THSD4: variants seen among roughly 807,000 people sequenced by gnomAD.
THSD4 encodes thrombospondin type 1 domain containing 4, also known as thrombospondin type-1 domain-containing protein 4.
A neutral mutation model predicts 119.0 loss-of-function variants in THSD4; 69 were observed. The observed-to-expected ratio is 0.58, with a 90% confidence interval of 0.48 to 0.71. The LOEUF (loss-of-function observed/expected upper bound fraction) is 0.71. THSD4 is among the 30% of genes least tolerant of loss of function. THSD4 has a pLI of 0.00. For synonymous variants in THSD4, 524 were observed against 540.4 expected (o/e 0.97, Z 0.42); for missense variants, 1,393 against 1,391.1 (o/e 1.00, Z -0.02).
At chr15:71,186,105 C>T (rs1193698018) in intron 3 of THSD4, 1 of 152,174 alleles carries the variant, frequency 6.6e-6, no homozygotes, top group Non-Finnish European at 1.5e-5. Flanking sequence ...TCAAAGACAA[C>T]ATTTCTAAGC....
chr15:71,223,185 A>G (rs1487646532), intron 4 of THSD4, among the ~76,000 whole-genome samples: 1 of 152,158 alleles, frequency 6.6e-6, no homozygotes, highest in Non-Finnish European at 1.5e-5. Context: ...ATGGATGCCA[A>G]ACTCAAGGGT....
At chr15:71,125,829 G>A (rs2040450076) in intron 1 of THSD4, among the ~76,000 whole-genome samples, 1 of 152,236 alleles carries the variant, frequency 6.6e-6, no homozygotes, top group Non-Finnish European at 1.5e-5. Flanking sequence ...CTTGGCTCGG[G>A]AACATGTTTT....
intron 1 of THSD4, among the ~76,000 whole-genome samples, chr15:71,124,794 G>A (rs1347906397): frequency 6.6e-6 from 1 of 152,146 alleles, no homozygotes; most frequent in Non-Finnish European, 1.5e-5. Context: ...TGTAATCCCG[G>A]CACTTTGGGA....
intron 7 of THSD4, among the ~76,000 whole-genome samples, chr15:71,606,472 G>A (rs2050111488): frequency 1.3e-5 from 2 of 151,880 alleles, no homozygotes; most frequent in South Asian, 2.1e-4. Context: ...AAGGAGGCAG[G>A]ATAAACTGCT....
chr15:71,206,314 G>T (rs914813078), intron 3 of THSD4, among the ~76,000 whole-genome samples: 3 of 152,086 alleles, frequency 2.0e-5, no homozygotes, highest in African/African-American at 7.2e-5. Flanking sequence ...GCCCGGCCAC[G>T]TTTGGAGATT....
intron 6 of THSD4, among the ~76,000 whole-genome samples, chr15:71,367,900 A>C: frequency 6.6e-6 from 1 of 152,244 alleles, no homozygotes; most frequent in Non-Finnish European, 1.5e-5. Flanking sequence ...AGTCCCACCA[A>C]CAGTGTAAAA....
chr15:71,112,635 G>C (rs1009559530), upstream of THSD4, among the ~76,000 whole-genome samples: 1 of 152,180 alleles, frequency 6.6e-6, no homozygotes, highest in African/African-American at 2.4e-5. Context: ...TGCCAGGCAG[G>C]CCCCCAGCCT....
Position 71,748,540 on chromosome 15 carries a change from C to T in THSD4, c.2361C>T (p.Asn787=). 6.2e-7 allele frequency: 1 copy of T among 1,614,238 alleles called. No individual in the cohort carries two copies. Among genetic ancestry groups the T allele is most frequent in the South Asian group, 1.1e-5 (1 of 91,086 alleles). Residue 787 remains asparagine, a synonymous_variant, in exon 14 of 18, where the codon AAC becomes AAT. Transcript: ENST00000261862. ...NMKLRPNDIE[N]CDMGPCAKSW... is the part of the protein sequence containing the mutation. ...AGCTCCGGCCGAATGACATTGAGAA[C>T]TGCGACATGGGACCCTGTGCCAAGA...
intron 3 of THSD4, among the ~76,000 whole-genome samples, chr15:71,158,709 C>G (rs538983239): frequency 2.0e-5 from 3 of 151,358 alleles, no homozygotes; most frequent in African/African-American, 7.3e-5. Flanking sequence ...GATATTAGCC[C>G]CTTGTCAGAT....
intron 4 of THSD4, 95 bp downstream of exon 4, chr15:71,215,494 A>T: frequency 8.0e-7 from 1 of 1,252,922 alleles, no homozygotes; most frequent in Middle Eastern, 2.1e-4. Context: ...TGCACCACAG[A>T]CAGTGCGACT....
intron 7 of THSD4, among the ~76,000 whole-genome samples, chr15:71,412,391 C>A (rs149518379): frequency 6.6e-6 from 1 of 152,196 alleles, no homozygotes; most frequent in African/African-American, 2.4e-5. Flanking sequence ...TCAGAGAATC[C>A]TTGTGGGATG....
chr15:71,693,954 A>C (rs2052107512), intron 8 of THSD4, among the ~76,000 whole-genome samples: 1 of 151,908 alleles, frequency 6.6e-6, no homozygotes, highest in African/African-American at 2.4e-5. Context: ...TATTAGCAGC[A>C]TGAGAACAGA....
At position 71,782,799 on chromosome 15, in the gene THSD4, A is replaced by G. The variant is rs914208890; in HGVS notation, c.*5425A>G. 4 of 152,228 alleles carry G rather than the reference A, an allele frequency of 2.6e-5. No individual in the cohort carries two copies. The highest frequency in any genetic ancestry group is 4.8e-5 in the African/African-American group (2 of 41,452). The allele number at this position is 152,228 out of a possible 1,614,324, so 9.4% of individuals were successfully genotyped here. On this transcript the variant is annotated 3_prime_UTR_variant, in exon 18 of 18. Transcript: ENST00000261862. ...TTGCTACTTTTTCATCTTAAATATT[A>G]TATTTCCTCATCTAATCTGCCTTCC...
At chr15:71,308,672 G>T (rs1044129493) in intron 6 of THSD4, among the ~76,000 whole-genome samples, 5 of 152,128 alleles carry the variant, frequency 3.3e-5, no homozygotes, top group Non-Finnish European at 5.9e-5. Context: ...ATGGACATGG[G>T]TTGTTTCCAC....
intron 8 of THSD4, among the ~76,000 whole-genome samples, chr15:71,674,892 T>C (rs2051608247): frequency 6.6e-6 from 1 of 152,204 alleles, no homozygotes; most frequent in Admixed American, 6.5e-5. Flanking sequence ...GGTGCTGAAG[T>C]AAGAAACCCT....
intron 6 of THSD4, among the ~76,000 whole-genome samples, chr15:71,259,776 G>C (rs945892961): frequency 1.3e-5 from 2 of 152,210 alleles, no homozygotes; most frequent in Non-Finnish European, 2.9e-5. Flanking sequence ...AAGAGGGGAT[G>C]ACTCAGCCTA....
chr15:71,219,208 A>G (rs1176884360), intron 4 of THSD4, among the ~76,000 whole-genome samples: 4 of 152,114 alleles, frequency 2.6e-5, no homozygotes, highest in African/African-American at 7.2e-5. Context: ...TTTTTTTCCC[A>G]TCTTTTAGAA....
At chr15:71,677,221 C>T (rs2051670723) in intron 8 of THSD4, among the ~76,000 whole-genome samples, 1 of 152,138 alleles carries the variant, frequency 6.6e-6, no homozygotes, top group Non-Finnish European at 1.5e-5. Context: ...TCATGGCAGC[C>T]CCTGGAGACG....
intron 4 of THSD4, among the ~76,000 whole-genome samples, chr15:71,227,484 G>C (rs2140261184): frequency 6.6e-6 from 1 of 152,290 alleles, no homozygotes; most frequent in East Asian, 1.9e-4. Flanking sequence ...TCCCGCATGT[G>C]GGGGTTGCTA....
Sources: gnomAD v4.1 joint callset for allele counts (sites outside exome capture counted in the v4.1 genomes callset) on GRCh38, gnomAD v4.1.1 for gene constraint, MANE v1.5 for transcripts, NCBI Gene and HGNC (gene_info 2026-07-23, HGNC 2026-07-21) for gene names.